MCTP1: variants seen among roughly 807,000 people sequenced by gnomAD.
MCTP1 encodes multiple C2 and transmembrane domain containing 1.
MCTP1 carries 69 observed loss-of-function variants against 120.6 expected under a neutral mutation model. The observed-to-expected ratio is 0.57, with a 90% CI of 0.47 to 0.70. The LOEUF (loss-of-function observed/expected upper bound fraction) is 0.70. MCTP1 is among the 30% of genes least tolerant of loss of function. The pLI, the probability that MCTP1 is intolerant of heterozygous loss-of-function variation, is 0.00. For synonymous variants in MCTP1, 529 were observed against 493.1 expected (o/e 1.07, Z -0.96); for missense variants, 1,203 against 1,248.8 (o/e 0.96, Z 0.55).
At chr5:94,896,531 C>G (rs1451658373) in intron 10 of MCTP1, among the ~76,000 whole-genome samples, 1 of 152,038 alleles carries the variant, frequency 6.6e-6, no homozygotes, top group African/African-American at 2.4e-5. Context: ...CTTCTATGCC[C>G]ATTACCACTT....
intron 2 of MCTP1, among the ~76,000 whole-genome samples, chr5:94,957,197 T>C (rs1822859207): frequency 6.6e-6 from 1 of 152,096 alleles, no homozygotes; most frequent in South Asian, 2.1e-4. Flanking sequence ...AATAAAATCC[T>C]TTACAGACAA....
intron 2 of MCTP1, among the ~76,000 whole-genome samples, chr5:95,005,022 G>A (rs112679532): frequency 0.011 from 1,699 of 152,306 alleles, 37 homozygotes; most frequent in African/African-American, 0.038. Context: ...GTACCCTGAA[G>A]AGCCACAGGG....
In MCTP1 at chr5:94,819,623, T is replaced by C. The variant is rs543131963; in HGVS notation, c.2437-20491A>G. Among the ~76,000 whole-genome samples the C allele has an allele frequency of 1.8e-3, 272 of 152,316 alleles. 2 individuals carry two copies. Among genetic ancestry groups the C allele is most frequent in the African/African-American group, 5.3e-3 (221 of 41,570 alleles). ...TTCTAAGGGTAGACAATAGGTCCAA[T>C]GTGGCCATCCTGTTAAAAAGAGGTG... On this transcript the variant is annotated intron_variant, in intron 17 of 22. Coordinates refer to ENST00000515393, the MANE Select transcript of MCTP1 (RefSeq NM_024717.7).
In MCTP1 at chr5:95,231,473, A is replaced by G. The variant is rs113502065; in HGVS notation, c.720+52383T>C. Among the ~76,000 whole-genome samples the G allele has an allele frequency of 5.7e-3, 870 of 152,340 alleles. 5 individuals are homozygous for G. The highest frequency in any genetic ancestry group is 0.02 in the African/African-American group (846 of 41,574). ...GACCAAATCTATGATGTGAATCTAT[A>G]GTTTTTAAGACAATGACATCAGGCA... On this transcript the variant is annotated intron_variant, in intron 1 of 22. Transcript: ENST00000515393.
chr5:94,980,311 TA>T (rs1829117234), intron 2 of MCTP1, among the ~76,000 whole-genome samples: 1 of 152,114 alleles, frequency 6.6e-6, no homozygotes, highest in Non-Finnish European at 1.5e-5. Flanking sequence ...GATGAATGAA[TA>T]ATCTTATAGA....
In MCTP1 at chr5:95,284,686, G is replaced by A. The variant is rs1463169106; in HGVS notation, c.-111C>T. On this transcript the variant is annotated 5_prime_UTR_variant, in exon 1 of 23. Transcript: ENST00000515393. This position sits in a 1 kb window ranked among gnomAD's most constrained non-coding sequence, Gnocchi z 5.2. ...TCCCCGCGGCGCTGGCGGTGGCGGC[G>A]GCGGCGGCGGCGGGCGCAGCAGCAG... is the stretch of plus-strand genomic sequence containing the variant. 5.5e-6 allele frequency: 5 copies of A among 916,716 alleles called. No individual in the cohort carries two copies. The highest frequency in any genetic ancestry group is 8.2e-5 in the Admixed American group (2 of 24,422). 56.8% of individuals were successfully genotyped at this position (916,716 alleles called of 1,614,324 possible). A position where few individuals can be genotyped will look rare whatever the true frequency, so the allele number is the denominator to read the frequency against.
chr5:94,851,390 G>T (rs539343012), intron 17 of MCTP1, among the ~76,000 whole-genome samples: 1 of 152,114 alleles, frequency 6.6e-6, no homozygotes, highest in Non-Finnish European at 1.5e-5. Flanking sequence ...CATCTGAAAA[G>T]GTAGAGCAAA....
At chr5:94,735,764 C>T (rs954124269) in intron 19 of MCTP1, among the ~76,000 whole-genome samples, 6 of 143,608 alleles carry the variant, frequency 4.2e-5, no homozygotes, top group Non-Finnish European at 7.5e-5. Flanking sequence ...GTGCCAATTT[C>T]CACCAAAATT....
chr5:94,876,283 T>G (rs982572106), intron 12 of MCTP1, among the ~76,000 whole-genome samples: 1 of 152,156 alleles, frequency 6.6e-6, no homozygotes, highest in African/African-American at 2.4e-5. Flanking sequence ...AATTATTCCT[T>G]CCTTTCATCC....
At chr5:95,272,670 A>T (rs1275077998) in intron 1 of MCTP1, among the ~76,000 whole-genome samples, 2 of 152,248 alleles carry the variant, frequency 1.3e-5, no homozygotes, top group Admixed American at 1.3e-4. Flanking sequence ...GGCAGAGAGC[A>T]TGAGGCCTGA....
intron 19 of MCTP1, among the ~76,000 whole-genome samples, chr5:94,768,968 G>C (rs1773447183): frequency 6.6e-6 from 1 of 152,080 alleles, no homozygotes; most frequent in Admixed American, 6.5e-5. Context: ...CAATAGACAG[G>C]ATAATAGGAT....
chr5:95,035,253 T>TA (rs1201486294), intron 1 of MCTP1, among the ~76,000 whole-genome samples: 3 of 151,868 alleles, frequency 2.0e-5, no homozygotes, highest in Non-Finnish European at 4.4e-5. Context: ...ATTATATATT[T>TA]AAAAAAACCT....
chr5:95,178,356 G>A (rs1429847649), intron 1 of MCTP1, among the ~76,000 whole-genome samples: 6 of 152,168 alleles, frequency 3.9e-5, no homozygotes, highest in South Asian at 4.1e-4. Flanking sequence ...CAGCTGATAC[G>A]CTCTGGAAAA....
chr5:95,133,560 C>G (rs1759212264), intron 1 of MCTP1, among the ~76,000 whole-genome samples: 2 of 152,170 alleles, frequency 1.3e-5, no homozygotes, highest in South Asian at 4.1e-4. Context: ...GAGGCTGAGG[C>G]AGAAGAATCA....
rs1431720429 is a variant in MCTP1 at position 95,024,081 on chromosome 5, G to T, written c.721-6597C>A. 8.9e-6 allele frequency: 4 copies of T among 447,524 alleles called. No homozygotes were observed. The East Asian group carries it at 2.9e-4, about 32-fold the overall frequency. The allele number at this position is 447,524 out of a possible 1,614,324, so 27.7% of individuals were successfully genotyped here. On this transcript the variant is annotated intron_variant, in intron 1 of 22. Coordinates refer to ENST00000515393, the MANE Select transcript of MCTP1 (RefSeq NM_024717.7). ...TTCCCTGTTAATTGTTTTCTTTGTT[G>T]TGCAGAAGCTTTTCAATTTGATGCA...
At chr5:95,122,501 A>T (rs1170922660) in intron 1 of MCTP1, among the ~76,000 whole-genome samples, 2 of 152,210 alleles carry the variant, frequency 1.3e-5, no homozygotes, top group Non-Finnish European at 2.9e-5. Context: ...AGGCAATAAC[A>T]AATATTGGCA....
chr5:94,966,629 A>G (rs766423653), intron 2 of MCTP1, among the ~76,000 whole-genome samples: 2 of 152,156 alleles, frequency 1.3e-5, no homozygotes, highest in Non-Finnish European at 2.9e-5. Context: ...CCCCGTCTCT[A>G]CTAAAAATAC....
chr5:94,841,890 A>G (rs1580981336), intron 17 of MCTP1, among the ~76,000 whole-genome samples: 1 of 152,328 alleles, frequency 6.6e-6, no homozygotes, highest in Middle Eastern at 3.4e-3. Context: ...GATGATGGGC[A>G]TATCTGATAG....
intron 1 of MCTP1, among the ~76,000 whole-genome samples, chr5:95,128,709 G>A (rs890597909): frequency 3.3e-5 from 5 of 152,142 alleles, no homozygotes; most frequent in Admixed American, 3.3e-4. Context: ...ATAACTAAGG[G>A]GCACAGGATT....
Sources: allele counts gnomAD v4.1 joint callset (sites outside exome capture counted in the v4.1 genomes callset), GRCh38; gene constraint gnomAD v4.1.1; non-coding constraint Gnocchi (gnomAD v3.1); transcripts MANE v1.5; gene names NCBI Gene and HGNC (gene_info 2026-07-23, HGNC 2026-07-21).